Variants in SHISA5 observed in about 807,000 individuals in gnomAD.
The protein encoded by SHISA5 is shisa family member 5.
SHISA5 carries 21 observed loss-of-function variants against 27.5 expected under a neutral mutation model. The observed-to-expected ratio is 0.76, with a 90% CI of 0.54 to 1.10. The LOEUF (loss-of-function observed/expected upper bound fraction) is 1.10. Among genes scored for constraint, SHISA5 ranks in the 50% least tolerant of loss-of-function variants. SHISA5 has a pLI of 0.00. For missense variants in SHISA5, 314 were observed against 336.3 expected (o/e 0.93, Z 0.52); for synonymous variants, 137 against 142.2 (o/e 0.96, Z 0.26).
chr3:48,495,040 C>T (rs909115047), intron 2 of SHISA5, among the ~76,000 whole-genome samples: 2,193 of 145,640 alleles, frequency 0.015, 375 homozygotes, highest in African/African-American at 0.057. Context: ...CTCCTGGGCT[C>T]AAGCGATCCT....
At chr3:48,482,387 A>G (rs1292789177) in intron 2 of SHISA5, among the ~76,000 whole-genome samples, 1 of 152,122 alleles carries the variant, frequency 6.6e-6, no homozygotes, top group Non-Finnish European at 1.5e-5. Flanking sequence ...CCTGGGCGAC[A>G]GACTGAGACC....
At chr3:48,472,816 C>T (rs533335832) in intron 3 of SHISA5, among the ~76,000 whole-genome samples, 4 of 152,318 alleles carry the variant, frequency 2.6e-5, no homozygotes, top group South Asian at 2.1e-4. Context: ...AGCCCCAGGC[C>T]GTCCAGGACA....
intron 3 of SHISA5, among the ~76,000 whole-genome samples, chr3:48,472,750 A>G (rs1023330000): frequency 2.0e-5 from 3 of 152,050 alleles, no homozygotes; most frequent in Admixed American, 6.5e-5. Context: ...CCAGGGACAG[A>G]GCTAAAGACT....
chr3:48,490,452 G>A (rs1357967029), intron 2 of SHISA5, among the ~76,000 whole-genome samples: 1 of 152,206 alleles, frequency 6.6e-6, no homozygotes, highest in Non-Finnish European at 1.5e-5. Context: ...GGGTCCAGAG[G>A]GCAGAGTGTC....
At chr3:48,483,091 A>ATT (rs71074250) in intron 2 of SHISA5, among the ~76,000 whole-genome samples, 1,847 of 142,964 alleles carry the variant, frequency 0.013, 28 homozygotes, top group African/African-American at 0.042. Flanking sequence ...CACCTAGCTA[A>ATT]TTTTTTTTTT....
chr3:48,491,647 T>TTTTTG (rs971737931), intron 2 of SHISA5, among the ~76,000 whole-genome samples: 9 of 152,098 alleles, frequency 5.9e-5, no homozygotes, highest in African/African-American at 1.9e-4. Context: ...CGTTTGTTTG[T>TTTTTG]TTTTGTTTTG....
At chr3:48,481,686 C>A (rs6783952) in intron 2 of SHISA5, among the ~76,000 whole-genome samples, 13,614 of 151,704 alleles carry the variant, frequency 0.09, 1,388 homozygotes, top group African/African-American at 0.25. Flanking sequence ...ACTCGGGAGG[C>A]TGAGGCAGGA....
At chr3:48,478,957 C>A (rs2040911874) in intron 3 of SHISA5, among the ~76,000 whole-genome samples, 1 of 152,098 alleles carries the variant, frequency 6.6e-6, no homozygotes, top group Non-Finnish European at 1.5e-5. Flanking sequence ...AATTGTCAAC[C>A]CCCGACCACA....
intron 2 of SHISA5, among the ~76,000 whole-genome samples, chr3:48,481,929 C>T (rs1260491167): frequency 6.8e-6 from 1 of 146,764 alleles, no homozygotes; most frequent in Non-Finnish European, 1.5e-5. Context: ...ATTAGCCAGG[C>T]GTGGTGGCGG....
intron 1 of SHISA5, chr3:48,502,443 A>G (rs1265755250): frequency 2.2e-6 from 1 of 456,412 alleles, no homozygotes; most frequent in Admixed American, 2.4e-5. Context: ...CAGTGGCACC[A>G]TCTGTAGCCC....
intron 2 of SHISA5, among the ~76,000 whole-genome samples, chr3:48,495,571 G>A (rs2041516560): frequency 2.0e-5 from 3 of 146,608 alleles, no homozygotes; most frequent in Non-Finnish European, 4.4e-5. Context: ...GCCCAGGCTA[G>A]AGTACAGTGA....
chr3:48,490,554 A>AC (rs1553828321), intron 2 of SHISA5, among the ~76,000 whole-genome samples: 1 of 152,052 alleles, frequency 6.6e-6, no homozygotes, highest in Non-Finnish European at 1.5e-5. Context: ...CTAAACTCTG[A>AC]TTTTTTTTAT....
intron 3 of SHISA5, among the ~76,000 whole-genome samples, chr3:48,478,947 A>C (rs1398913147): frequency 1.3e-5 from 2 of 151,794 alleles, no homozygotes; most frequent in African/African-American, 4.8e-5. Context: ...CTGGCCCTTC[A>C]ATTGTCAACC....
At chr3:48,484,627 C>T (rs2041138885) in intron 2 of SHISA5, among the ~76,000 whole-genome samples, 1 of 151,874 alleles carries the variant, frequency 6.6e-6, no homozygotes, top group Non-Finnish European at 1.5e-5. Flanking sequence ...CACAGTGGCT[C>T]ATGCCTGTAA....
At chr3:48,476,966 C>A (rs2040846299) in intron 3 of SHISA5, 2 of 411,736 alleles carry the variant, frequency 4.9e-6, no homozygotes, top group Non-Finnish European at 9.5e-6. Context: ...CTTGGGGAGT[C>A]AGAGGTGCCT....
rs2041112530 is a variant in SHISA5, at chr3:48,483,823, C to T, written c.234-4566G>A. Among the ~76,000 whole-genome samples the T allele has an allele frequency of 2.6e-5, 4 of 150,980 alleles. No homozygotes were observed. In the South Asian group the frequency reaches 8.4e-4, roughly 32 times the overall value. ...GGCTGGCCGGGCGGGGGGCTGACCCCCCCACCTCCCTCCCGGACAGGGCGG... is the reference window on the plus strand; with the variant it reads ...GGCTGGCCGGGCGGGGGGCTGACCCTCCCACCTCCCTCCCGGACAGGGCGG... On this transcript the variant is annotated intron_variant, in intron 2 of 5. Transcript: ENST00000296444.
chr3:48,473,597 T>A lies in SHISA5; in HGVS notation c.315-3754A>T, dbSNP rs543661918. The A allele has an allele frequency of 2.0e-5, 24 of 1,227,526 alleles. 1 individual carries two copies. The South Asian group carries it at 2.5e-4, about 13-fold the overall frequency. The allele number at this position is 1,227,526 out of a possible 1,614,324, so 76.0% of individuals were successfully genotyped here. Reference sequence around the variant, plus strand: ...CTCTCCAATCTGTCTCCCCATGTTCTCCCGGCCACCCTACTGGGGCCACCA... The same window carrying A: ...CTCTCCAATCTGTCTCCCCATGTTCACCCGGCCACCCTACTGGGGCCACCA... On this transcript the variant is annotated intron_variant, in intron 3 of 5. Coordinates refer to ENST00000296444, the MANE Select transcript of SHISA5 (RefSeq NM_016479.6). This position sits in a 1 kb window ranked among gnomAD's most constrained non-coding sequence, Gnocchi z 4.3.
intron 2 of SHISA5, 83 bp downstream of exon 2, chr3:48,501,054 G>T: frequency 7.1e-7 from 1 of 1,415,414 alleles, no homozygotes; most frequent in Non-Finnish European, 9.6e-7. Context: ...GAGGCCAGAG[G>T]GGCAGAGCTA....
At position 48,486,472 on chromosome 3, in the gene SHISA5, T is replaced by TTA. The variant is rs587765609; in HGVS notation, c.234-7217_234-7216dup. On this transcript the variant is annotated intron_variant, in intron 2 of 5. Transcript: ENST00000296444. ...TATATATTATATATTTATAATTATATTATATATATTACATATTATATATAT... is the reference window on the plus strand; with the variant it reads ...TATATATTATATATTTATAATTATATTATATATATATTACATATTATATATAT... Among the ~76,000 whole-genome samples, 8 of 108,292 alleles carry TTA rather than the reference T, an allele frequency of 7.4e-5. No homozygotes were observed. The East Asian group carries it at 1.6e-3, about 22-fold the overall frequency. 71.0% of individuals were successfully genotyped at this position (108,292 alleles called of 152,430 possible). A position where few individuals can be genotyped will look rare whatever the true frequency, so the allele number is the denominator to read the frequency against.
Sources: gnomAD v4.1 joint callset for allele counts (sites outside exome capture counted in the v4.1 genomes callset) on GRCh38, gnomAD v4.1.1 for gene constraint, Gnocchi (gnomAD v3.1) non-coding constraint, MANE v1.5 for transcripts, NCBI Gene and HGNC (gene_info 2026-07-23, HGNC 2026-07-21) for gene names.